The following TLN1 variants were observed in gnomAD, a reference collection of about 807,000 sequenced individuals.
TLN1 encodes the protein talin 1.
A neutral mutation model predicts 292.3 loss-of-function variants in TLN1; 56 were observed. The ratio of observed to expected loss-of-function variants is 0.19; its 90% CI spans 0.15 to 0.24. The LOEUF (loss-of-function observed/expected upper bound fraction) is 0.24, where lower values mean the gene tolerates loss of function less well. Ranked by LOEUF, TLN1 falls within the 10% of genes least tolerant of loss-of-function variation. TLN1 has a pLI of 1.00. For missense variants in TLN1, 2,433 were observed against 3,248.2 expected (o/e 0.75, Z 6.10); for synonymous variants, 1,119 against 1,253.7 (o/e 0.89, Z 2.27).
chr9:35,711,810 A>G lies in TLN1; in HGVS notation c.3682-18T>C, dbSNP rs1333179498. Reference sequence around the variant, plus strand: ...GGAGGAAGCTGCAAGGTGAGAGGGGAAGTCAGACAGAAGAGTGGGGAATGA... The same window carrying G: ...GGAGGAAGCTGCAAGGTGAGAGGGGGAGTCAGACAGAAGAGTGGGGAATGA... On this transcript the variant is annotated intron_variant, in intron 28 of 56. Coordinates refer to ENST00000314888, the MANE Select transcript of TLN1 (RefSeq NM_006289.4). The G allele has an allele frequency of 6.2e-7, 1 of 1,613,574 alleles. No homozygotes were observed. The highest frequency in any genetic ancestry group is 8.5e-7 in the Non-Finnish European group (1 of 1,179,980).
At chr9:35,730,990 A>T (rs1219379466) in intron 1 of TLN1, among the ~76,000 whole-genome samples, 1 of 152,126 alleles carries the variant, frequency 6.6e-6, no homozygotes, top group Non-Finnish European at 1.5e-5. Context: ...GTCTGTAAAC[A>T]ACACAGTCCA....
chr9:35,732,020 G>A lies in TLN1; in HGVS notation c.-34+55C>T, dbSNP rs2131918896. 6.6e-6 allele frequency: 1 copy of A among 152,478 alleles called. No individual in the cohort carries two copies. The highest frequency in any genetic ancestry group is 6.6e-5 in the Admixed American group (1 of 15,264). The allele number at this position is 152,478 out of a possible 1,614,324, so 9.4% of individuals were successfully genotyped here. A position where few individuals can be genotyped will look rare whatever the true frequency, so the allele number is the denominator to read the frequency against. ...AGAGAGGCAGGGCCCGCCCGCCCCG[G>A]GGCCAGGCCCCGCGGCCCCACCCTA... On this transcript the variant is annotated intron_variant, in intron 1 of 56. Coordinates refer to ENST00000314888, the MANE Select transcript of TLN1 (RefSeq NM_006289.4). This position sits in a 1 kb window ranked among gnomAD's most constrained non-coding sequence, Gnocchi z 5.1.
rs564861791 is a variant in TLN1, at chr9:35,705,974, C to G, written c.5499G>C (p.Gln1833His). ...CCAAGACTCTAACCTGGTTGATGGC[C>G]TGGGTGATGGAGTCCACCATGCCAC... is the stretch of plus-strand genomic sequence containing the variant. ...VVGGMVDSIT[Q>H]AINQLDEGPM... Residue 1833 changes from glutamine to histidine, a missense_variant, in exon 41 of 57, where the codon CAG becomes CAC. Transcript: ENST00000314888. The G allele has an allele frequency of 3.7e-6, 6 of 1,614,174 alleles. No individual in the cohort carries two copies. The East Asian group carries it at 1.1e-4, about 30-fold the overall frequency.
intron 8 of TLN1, 126 bp from the exon 9 acceptor site, chr9:35,722,349 T>C (rs1212210653): frequency 1.2e-6 from 1 of 818,042 alleles, no homozygotes; most frequent in African/African-American, 1.7e-5. Context: ...GTACAAGATA[T>C]GAGAACGAGA....
chr9:35,715,083 CT>C lies in TLN1; in HGVS notation c.2729del (p.Lys910ArgfsTer111). 1 of 1,613,216 alleles carries C rather than the reference CT, an allele frequency of 6.2e-7. No homozygotes were observed. Among genetic ancestry groups the C allele is most frequent in the Non-Finnish European group, 8.5e-7 (1 of 1,180,038 alleles). On this transcript the variant is annotated frameshift_variant, in exon 21 of 57. Coordinates refer to ENST00000314888, the MANE Select transcript of TLN1 (RefSeq NM_006289.4). LOFTEE classifies it high-confidence loss of function. ...ATNAAAQNAI[K>X]KKLVQRLEHA... ...CCTCCAGGCGCTGCACCAGCTTTTTCTTGATGGCATTCTGCGCAGCTGCATT... is the reference window on the plus strand; with the variant it reads ...CCTCCAGGCGCTGCACCAGCTTTTTCTGATGGCATTCTGCGCAGCTGCATT...
rs2131877953 is a variant in TLN1, at chr9:35,698,226, G to A, written c.7372-54C>T. 1 of 1,610,854 alleles carries A rather than the reference G, an allele frequency of 6.2e-7. No individual in the cohort carries two copies. Among genetic ancestry groups the A allele is most frequent in the East Asian group, 2.2e-5 (1 of 44,816 alleles). ...AGAACTCAGGTACGGTCCCAGTTGA[G>A]ACAGTACCTCAATTCTCTCATAGAA... On this transcript the variant is annotated intron_variant, in intron 55 of 56. Transcript: ENST00000314888. The surrounding 1 kb of genome is among the most constrained non-coding windows in gnomAD (Gnocchi z 5.3).
rs1483091160 is a variant in TLN1, at chr9:35,698,704, T to C, written c.7126-25A>G. 1.2e-6 allele frequency: 2 copies of C among 1,614,026 alleles called. No homozygotes were observed. The highest frequency in any genetic ancestry group is 8.5e-7 in the Non-Finnish European group (1 of 1,180,032). ...CCTGTAGGAAGGAGAAGAGCCTACT[T>C]AGACCTGCATTTTCCTCACTTCAAA... On this transcript the variant is annotated intron_variant, in intron 53 of 56. Coordinates refer to ENST00000314888, the MANE Select transcript of TLN1 (RefSeq NM_006289.4). This position sits in a 1 kb window ranked among gnomAD's most constrained non-coding sequence, Gnocchi z 5.3.
chr9:35,716,333 G>T, intron 20 of TLN1, 57 bp downstream of exon 20: 1 of 1,595,790 alleles, frequency 6.3e-7, no homozygotes, highest in Non-Finnish European at 8.6e-7. Flanking sequence ...TGACCATCTG[G>T]ACTGCTCTAC....
At chr9:35,709,886 C>CAAAAAA (rs546437173) in intron 33 of TLN1, among the ~76,000 whole-genome samples, 4 of 12,862 alleles carry the variant, frequency 3.1e-4, no homozygotes, top group African/African-American at 1.3e-3. Flanking sequence ...AACTCGGTCT[C>CAAAAAA]AAAAAAAAAA....
chr9:35,730,781 G>A (rs1312434718), intron 1 of TLN1, among the ~76,000 whole-genome samples: 2 of 152,050 alleles, frequency 1.3e-5, no homozygotes, highest in South Asian at 2.1e-4. Context: ...AGTTGGAGAG[G>A]AGGGCTTAAT....
rs1365517805 is a variant in TLN1 at position 35,704,636 on chromosome 9, A to T, written c.5880+33T>A. On this transcript the variant is annotated intron_variant, in intron 44 of 56. Coordinates refer to ENST00000314888, the MANE Select transcript of TLN1 (RefSeq NM_006289.4). This position sits in a 1 kb window ranked among gnomAD's most constrained non-coding sequence, Gnocchi z 6.9. ...GGCAAAGGCTACAGAGTTTGGAGGCAGTCCCACCATCTGCAGGGATGAGCA... is the reference window on the plus strand; with the variant it reads ...GGCAAAGGCTACAGAGTTTGGAGGCTGTCCCACCATCTGCAGGGATGAGCA... The T allele has an allele frequency of 6.2e-7, 1 of 1,611,232 alleles. No individual in the cohort carries two copies. The highest frequency in any genetic ancestry group is 1.3e-5 in the African/African-American group (1 of 74,904).
rs1032504367 is a variant in TLN1 at position 35,697,294 on chromosome 9, G to C, written c.*497C>G. 2.6e-5 allele frequency: 4 copies of C among 154,508 alleles called. No homozygotes were observed. The highest frequency in any genetic ancestry group is 5.7e-5 in the Non-Finnish European group (4 of 69,632). The allele number at this position is 154,508 out of a possible 1,614,324, so 9.6% of individuals were successfully genotyped here. A position where few individuals can be genotyped will look rare whatever the true frequency, so the allele number is the denominator to read the frequency against. ...ATTCAACCCCACTGTCTCTCCTACT[G>C]CCCTGGGAGAAAACTTGTATCTCCC... On this transcript the variant is annotated 3_prime_UTR_variant, in exon 57 of 57. Coordinates refer to ENST00000314888, the MANE Select transcript of TLN1 (RefSeq NM_006289.4).
At chr9:35,713,148 C>G (rs768848471) in intron 26 of TLN1, 48 bp downstream of exon 26, 16 of 1,578,850 alleles carry the variant, frequency 1.0e-5, no homozygotes, top group Non-Finnish European at 1.3e-5. Context: ...CTCCCATTTT[C>G]CTACCTCCCT....
rs879390480 is a variant in TLN1 at position 35,718,233 on chromosome 9, C to T, written c.1996-447G>A. Among the ~76,000 whole-genome samples, 63 of 152,366 alleles carry T rather than the reference C, an allele frequency of 4.1e-4. 1 individual carries two copies. The highest frequency in any genetic ancestry group is 1.7e-3 in the South Asian group (8 of 4,832). On this transcript the variant is annotated intron_variant, in intron 17 of 56. Coordinates refer to ENST00000314888, the MANE Select transcript of TLN1 (RefSeq NM_006289.4). ...GATCCCATTTCCCAAAGCCTGGCTT[C>T]GCCAGGCCTCCTCATCTCCCACCAA... is the stretch of plus-strand genomic sequence containing the variant.
Position 35,722,179 on chromosome 9 carries a change from G to A in TLN1, c.888C>T (p.Val296=). The A allele has an allele frequency of 6.2e-7, 1 of 1,614,232 alleles. No homozygotes were observed. Among genetic ancestry groups the A allele is most frequent in the Non-Finnish European group, 8.5e-7 (1 of 1,180,038 alleles). Residue 296 remains valine (V), a synonymous_variant, in exon 9 of 57, where the codon GTC becomes GTT. Coordinates refer to ENST00000314888, the MANE Select transcript of TLN1 (RefSeq NM_006289.4). ...GAGAACGGGCTAGCTTCACGTAGCGGACCTTGGCCTCAATCTCACTCATCT... is the reference window on the plus strand; with the variant it reads ...GAGAACGGGCTAGCTTCACGTAGCGAACCTTGGCCTCAATCTCACTCATCT... ...CGQMSEIEAK[V]RYVKLARSLK...
At position 35,713,239 on chromosome 9, in the gene TLN1, G is replaced by A. The variant is rs1180376855; in HGVS notation, c.3309C>T (p.Ala1103=). The change falls in exon 26 of 57, where the codon GCC becomes GCT. Residue 1103 remains alanine (A), a synonymous_variant. Coordinates refer to ENST00000314888, the MANE Select transcript of TLN1 (RefSeq NM_006289.4). Reference sequence around the variant, plus strand: ...CCTGGGCAACCTCTCCCAGTAGCTGGGCGATGGCTGAGCTCACGGCTTTGG... The same window carrying A: ...CCTGGGCAACCTCTCCCAGTAGCTGAGCGATGGCTGAGCTCACGGCTTTGG... The part of the protein sequence containing the change: ...NSTKAVSSAI[A]QLLGEVAQGN... 1 of 1,599,414 alleles carries A rather than the reference G, an allele frequency of 6.3e-7. No individual in the cohort carries two copies. The highest frequency in any genetic ancestry group is 1.3e-5 in the African/African-American group (1 of 74,794).
rs897584958 is a variant in TLN1 at position 35,713,711 on chromosome 9, AAGAAAAGAAAAG to A, written c.3249+230_3249+241del. On this transcript the variant is annotated intron_variant, in intron 25 of 56. Coordinates refer to ENST00000314888, the MANE Select transcript of TLN1 (RefSeq NM_006289.4). The stretch of plus-strand genomic sequence containing the variant: ...AAGAAAAAGAAATAAAAGAACGGAA[AAGAAAAGAAAAG>A]AGAAAAGAAAAGAAAGAGGAGAGGA... 1.2e-4 allele frequency among the ~76,000 whole-genome samples: 18 copies of A among 151,854 alleles called. No homozygotes were observed. The South Asian group carries it at 2.1e-3, about 18-fold the overall frequency.
At position 35,715,041 on chromosome 9, in the gene TLN1, T is replaced by C. The variant is rs770229562; in HGVS notation, c.2754+18A>G. The C allele has an allele frequency of 3.3e-5, 54 of 1,612,546 alleles. No homozygotes were observed. Among genetic ancestry groups the C allele is most frequent in the Non-Finnish European group, 4.4e-5 (52 of 1,180,038 alleles). On this transcript the variant is annotated intron_variant, in intron 21 of 56. Coordinates refer to ENST00000314888, the MANE Select transcript of TLN1 (RefSeq NM_006289.4). ...CACCCACACTCTCTCTTGCTCCTGG[T>C]GAAACTCCCAGCCTCACCTCCAGGC...
chr9:35,702,997 A>G (rs1202868109), intron 48 of TLN1, among the ~76,000 whole-genome samples: 2 of 152,080 alleles, frequency 1.3e-5, no homozygotes, highest in African/African-American at 4.8e-5. Context: ...ACAAGTGGGT[A>G]GGGGACAGAC....
Sources: allele counts gnomAD v4.1 joint callset (sites outside exome capture counted in the v4.1 genomes callset), GRCh38; gene constraint gnomAD v4.1.1; non-coding constraint Gnocchi (gnomAD v3.1); transcripts MANE v1.5; gene names NCBI Gene and HGNC (gene_info 2026-07-23, HGNC 2026-07-21).